CAMK1D: variants seen among roughly 807,000 people sequenced by gnomAD.
CAMK1D encodes calcium/calmodulin dependent protein kinase ID.
In CAMK1D, 9 loss-of-function variants were observed where a neutral mutation model predicts 47.7. That is an observed-to-expected ratio of 0.19 (90% CI 0.11 to 0.33). The LOEUF is 0.33. Ranked by LOEUF, CAMK1D falls within the 10% of genes least tolerant of loss-of-function variation. CAMK1D has a pLI of 1.00. For synonymous variants in CAMK1D, 184 were observed against 184.9 expected, an observed-to-expected ratio of 0.99 and a Z score of 0.04; for missense variants, 291 against 488.7, an observed-to-expected ratio of 0.60 and a Z score of 3.81.
chr10:12,368,981 C>A (rs981828594), intron 1 of CAMK1D, among the ~76,000 whole-genome samples: 1 of 152,020 alleles, frequency 6.6e-6, no homozygotes, highest in African/African-American at 2.4e-5. Context: ...CCAAGCCTGG[C>A]TAATTTTTTG....
At chr10:12,767,130 T>A (rs1403569710) in intron 4 of CAMK1D, among the ~76,000 whole-genome samples, 3 of 152,222 alleles carry the variant, frequency 2.0e-5, no homozygotes, top group Non-Finnish European at 4.4e-5. Flanking sequence ...CTGCTCACTC[T>A]TGTGAACCCA....
intron 6 of CAMK1D, among the ~76,000 whole-genome samples, chr10:12,801,354 T>TTTATC (rs1838457131): frequency 4.5e-5 from 3 of 66,564 alleles, no homozygotes; most frequent in Admixed American, 3.4e-4. Context: ...TCTATCTATC[T>TTTATC]TATCTATCTA....
chr10:12,573,289 G>C lies in CAMK1D; in HGVS notation c.224+19933G>C, dbSNP rs74954179. On this transcript the variant is annotated intron_variant, in intron 2 of 10. Transcript: ENST00000619168. ...TTGCTTCTGTTAGTGATGCCTGTGG[G>C]TGTCAGATGTGGAGCGGGAAGGAGA... Among the ~76,000 whole-genome samples, 616 of 152,378 alleles carry C rather than the reference G, an allele frequency of 4.0e-3. 2 individuals carry two copies. Among genetic ancestry groups the C allele is most frequent in the African/African-American group, 0.014 (574 of 41,596 alleles).
At chr10:12,730,805 C>A (rs997391222) in intron 3 of CAMK1D, among the ~76,000 whole-genome samples, 1 of 152,168 alleles carries the variant, frequency 6.6e-6, no homozygotes, top group African/African-American at 2.4e-5. Flanking sequence ...AGGATGAGGA[C>A]TGAGAACTGA....
intron 1 of CAMK1D, among the ~76,000 whole-genome samples, chr10:12,392,017 A>ACACACACACACACACACACACACACACAC (rs34312096): frequency 2.0e-5 from 3 of 147,208 alleles, no homozygotes; most frequent in African/African-American, 7.5e-5. Context: ...ACACACACAC[A>ACACACACACACACACACACACACACACAC]AACAGTCTGG....
intron 3 of CAMK1D, among the ~76,000 whole-genome samples, chr10:12,759,795 AAAG>A (rs1392580810): frequency 6.6e-6 from 1 of 152,196 alleles, no homozygotes; most frequent in African/African-American, 2.4e-5. Context: ...AGTTTTTTTA[AAAG>A]AAGGTTTCAG....
chr10:12,756,087 C>T (rs1282817649), intron 3 of CAMK1D, among the ~76,000 whole-genome samples: 1 of 152,206 alleles, frequency 6.6e-6, no homozygotes, highest in Non-Finnish European at 1.5e-5. Context: ...TGGTATTTCT[C>T]AGACTGCTCT....
intron 2 of CAMK1D, among the ~76,000 whole-genome samples, chr10:12,639,412 G>A (rs1279946428): frequency 6.6e-6 from 1 of 152,220 alleles, no homozygotes; most frequent in Non-Finnish European, 1.5e-5. Flanking sequence ...TTGAACCCGC[G>A]AGGCGGAGGT....
chr10:12,590,633 T>C (rs903967806), intron 2 of CAMK1D, among the ~76,000 whole-genome samples: 2 of 152,214 alleles, frequency 1.3e-5, no homozygotes, highest in Non-Finnish European at 2.9e-5. Flanking sequence ...CAAAACACAA[T>C]GTGATTTGTT....
At chr10:12,533,225 A>G (rs1388586072) in intron 1 of CAMK1D, among the ~76,000 whole-genome samples, 1 of 152,218 alleles carries the variant, frequency 6.6e-6, no homozygotes, top group Non-Finnish European at 1.5e-5. Flanking sequence ...CACAAAAATT[A>G]AAACAGTGTT....
chr10:12,431,771 T>G (rs998036142), intron 1 of CAMK1D, among the ~76,000 whole-genome samples: 1 of 152,266 alleles, frequency 6.6e-6, no homozygotes, highest in Non-Finnish European at 1.5e-5. Flanking sequence ...CTGGGAAAAC[T>G]AGAAGTGACA....
intron 1 of CAMK1D, among the ~76,000 whole-genome samples, chr10:12,386,667 ATTATAT>A (rs774200463): frequency 5.9e-5 from 9 of 152,292 alleles, no homozygotes; most frequent in Admixed American, 2.6e-4. Flanking sequence ...AACATTTGTA[ATTATAT>A]TTATAGGGAG....
At chr10:12,676,751 T>C (rs1489303311) in intron 3 of CAMK1D, among the ~76,000 whole-genome samples, 1 of 152,122 alleles carries the variant, frequency 6.6e-6, no homozygotes, top group African/African-American at 2.4e-5. Flanking sequence ...TAGGTACCAT[T>C]AATGTGAATG....
chr10:12,592,504 G>A (rs9787594), intron 2 of CAMK1D, among the ~76,000 whole-genome samples: 7,800 of 152,190 alleles, frequency 0.051, 514 homozygotes, highest in East Asian at 0.25. Flanking sequence ...ATTTAGAGGG[G>A]TAGGCGACAG....
chr10:12,436,762 A>G (rs1293793203), intron 1 of CAMK1D, among the ~76,000 whole-genome samples: 4 of 152,170 alleles, frequency 2.6e-5, no homozygotes. Context: ...TCAGTGTGAC[A>G]GGATCTATGG....
At chr10:12,572,117 T>C (rs1837347304) in intron 2 of CAMK1D, among the ~76,000 whole-genome samples, 1 of 149,934 alleles carries the variant, frequency 6.7e-6, no homozygotes, top group Non-Finnish European at 1.5e-5. Context: ...AGTTTTGTTG[T>C]CACTTTTTCT....
chr10:12,387,397 T>TTTTATATA (rs1554763255), intron 1 of CAMK1D, among the ~76,000 whole-genome samples: 78 of 83,736 alleles, frequency 9.3e-4, no homozygotes, highest in African/African-American at 2.7e-3. Flanking sequence ...ATATTATATA[T>TTTTATATA]TTTTATATAT....
intron 1 of CAMK1D, among the ~76,000 whole-genome samples, chr10:12,398,292 A>G (rs1839037895): frequency 6.6e-6 from 1 of 152,132 alleles, no homozygotes; most frequent in Non-Finnish European, 1.5e-5. Context: ...ATGTATATAC[A>G]TTTAAATTAA....
intron 1 of CAMK1D, among the ~76,000 whole-genome samples, chr10:12,366,678 A>T (rs12413064): frequency 0.18 from 27,244 of 151,570 alleles, 2,663 homozygotes; most frequent in East Asian, 0.36. Context: ...AAGAAGAGTC[A>T]ATCATTGGCT....
Sources: allele counts gnomAD v4.1 joint callset (sites outside exome capture counted in the v4.1 genomes callset), GRCh38; gene constraint gnomAD v4.1.1; transcripts MANE v1.5; gene names NCBI Gene and HGNC (gene_info 2026-07-23, HGNC 2026-07-21).